Variants in NRXN3 observed in about 807,000 individuals in gnomAD.
NRXN3 encodes the protein neurexin 3, also known as neurexin III.
A neutral mutation model predicts 137.6 loss-of-function variants in NRXN3; 32 were observed. The observed-to-expected ratio is 0.23, with a 90% CI of 0.18 to 0.31. The LOEUF is 0.31. NRXN3 is among the 10% of genes least tolerant of loss of function. The probability of loss-of-function intolerance (pLI) is 1.00; values close to 1 mark genes in which losing one functional copy is unlikely to be tolerated. For missense variants in NRXN3, 1,574 were observed against 2,062.5 expected, an observed-to-expected ratio of 0.76 and a Z score of 4.59; for synonymous variants, 798 against 784.5, an observed-to-expected ratio of 1.02 and a Z score of -0.29.
chr14:79,624,812 TG>T (rs201107257), intron 16 of NRXN3, among the ~76,000 whole-genome samples: 1,769 of 147,070 alleles, frequency 0.012, 15 homozygotes, highest in South Asian at 0.023. Flanking sequence ...TGTTTGTTTT[TG>T]TTTTTTTTTA....
rs35908076 is a variant in NRXN3 at position 78,915,345 on chromosome 14, C to CAAAAAAAA, written c.2276-41877_2276-41870dup. Among the ~76,000 whole-genome samples, 33 of 11,192 alleles carry CAAAAAAAA rather than the reference C, an allele frequency of 2.9e-3. 2 individuals are homozygous for CAAAAAAAA. Among genetic ancestry groups the CAAAAAAAA allele is most frequent in the African/African-American group, 8.1e-3 (29 of 3,574 alleles). 7.3% of individuals were successfully genotyped at this position (11,192 alleles called of 152,430 possible). A position where few individuals can be genotyped will look rare whatever the true frequency, so the allele number is the denominator to read the frequency against. On this transcript the variant is annotated intron_variant, in intron 10 of 20. Coordinates refer to ENST00000335750, the MANE Select transcript of NRXN3 (RefSeq NM_001330195.2). ...CCCAAACATCTTTCTACGTGTGAAG[C>CAAAAAAAA]AAAAAAAAAAAAAAAAAAAAAAAAA...
At chr14:79,603,116 C>A (rs183955435) in intron 16 of NRXN3, among the ~76,000 whole-genome samples, 2 of 152,334 alleles carry the variant, frequency 1.3e-5, no homozygotes, top group East Asian at 3.9e-4. Flanking sequence ...AACTTCTGAA[C>A]TGTTACTCTT....
At chr14:79,792,521 GACT>G (rs1321860906) in intron 19 of NRXN3, among the ~76,000 whole-genome samples, 3 of 152,012 alleles carry the variant, frequency 2.0e-5, no homozygotes, top group Admixed American at 6.6e-5. Flanking sequence ...CTCCCTAGAA[GACT>G]ACAAGAAAAA....
chr14:78,715,233 G>T, intron 8 of NRXN3, 94 bp downstream of exon 8: 1 of 1,452,064 alleles, frequency 6.9e-7, no homozygotes, highest in Non-Finnish European at 9.2e-7. Context: ...GCACCTACCT[G>T]CACTTTCTTT....
intron 15 of NRXN3, among the ~76,000 whole-genome samples, chr14:79,389,010 G>C (rs1463377960): frequency 1.3e-5 from 2 of 152,162 alleles, no homozygotes. Context: ...GGCCTCTCCA[G>C]CTATGTGGAA....
At chr14:79,232,611 T>C (rs2072457185) in intron 15 of NRXN3, among the ~76,000 whole-genome samples, 1 of 152,176 alleles carries the variant, frequency 6.6e-6, no homozygotes, top group Non-Finnish European at 1.5e-5. Flanking sequence ...GGCTTTCTAG[T>C]TGGAGAAATT....
In NRXN3 at chr14:78,243,486, T is replaced by G. The variant is rs2067272472; in HGVS notation, c.393T>G (p.Ser131=). The part of the protein sequence containing the change: ...TVLMLDGEGQ[S]GELQPQRPYM... ...TGATGCTTGATGGCGAGGGCCAGTCTGGGGAGCTGCAGCCCCAGCGGCCCT... is the reference window on the plus strand; with the variant it reads ...TGATGCTTGATGGCGAGGGCCAGTCGGGGGAGCTGCAGCCCCAGCGGCCCT... The change falls in exon 2 of 21, where the codon TCT becomes TCG. Residue 131 remains serine (S), a synonymous_variant. Transcript: ENST00000335750. This position sits in a 1 kb window ranked among gnomAD's most constrained non-coding sequence, Gnocchi z 4.2. 1 of 1,589,698 alleles carries G rather than the reference T, an allele frequency of 6.3e-7. No individual in the cohort carries two copies. Among genetic ancestry groups the G allele is most frequent in the Non-Finnish European group, 8.5e-7 (1 of 1,175,664 alleles).
chr14:78,315,790 A>T (rs2078642683), intron 4 of NRXN3, among the ~76,000 whole-genome samples: 1 of 152,152 alleles, frequency 6.6e-6, no homozygotes, highest in African/African-American at 2.4e-5. Context: ...CTAAAAAGGG[A>T]CACTTTTGAT....
chr14:78,717,334 G>A (rs901983317), intron 8 of NRXN3, among the ~76,000 whole-genome samples: 1 of 152,180 alleles, frequency 6.6e-6, no homozygotes, highest in African/African-American at 2.4e-5. Flanking sequence ...TTAAAAGGCA[G>A]CTGATTGGGG....
At chr14:79,565,429 G>A (rs1168008855) in intron 16 of NRXN3, among the ~76,000 whole-genome samples, 1 of 150,972 alleles carries the variant, frequency 6.6e-6, no homozygotes, top group Non-Finnish European at 1.5e-5. Flanking sequence ...GGGTCCCCAA[G>A]AATGAGCTTT....
At chr14:79,178,029 A>G (rs2062525790) in intron 15 of NRXN3, among the ~76,000 whole-genome samples, 2 of 152,230 alleles carry the variant, frequency 1.3e-5, no homozygotes, top group Admixed American at 6.5e-5. Context: ...GGCCAGTAAT[A>G]GAGAAGAGGG....
intron 19 of NRXN3, among the ~76,000 whole-genome samples, chr14:79,755,674 A>T (rs1295486851): frequency 6.6e-6 from 1 of 152,020 alleles, no homozygotes; most frequent in African/African-American, 2.4e-5. Context: ...AGCCACACTT[A>T]GCCAGGATCA....
intron 15 of NRXN3, among the ~76,000 whole-genome samples, chr14:79,390,433 CT>C (rs1036203168): frequency 3.0e-4 from 45 of 151,958 alleles, no homozygotes; most frequent in Admixed American, 1.3e-4. Context: ...CTACCTCTTT[CT>C]GCTGCTACAG....
intron 15 of NRXN3, among the ~76,000 whole-genome samples, chr14:79,121,639 G>A (rs2055458049): frequency 6.6e-6 from 1 of 152,204 alleles, no homozygotes; most frequent in African/African-American, 2.4e-5. Context: ...TATATGCTGT[G>A]TGTGAACTGA....
intron 10 of NRXN3, among the ~76,000 whole-genome samples, chr14:78,951,582 A>AGTT (rs1456091715): frequency 6.6e-6 from 1 of 152,084 alleles, no homozygotes; most frequent in Non-Finnish European, 1.5e-5. Context: ...GATAGGGTTG[A>AGTT]CAGAACTCAA....
intron 4 of NRXN3, among the ~76,000 whole-genome samples, chr14:78,308,876 T>C (rs1369233873): frequency 6.6e-6 from 1 of 152,152 alleles, no homozygotes; most frequent in Non-Finnish European, 1.5e-5. Context: ...TTGTTCCTTG[T>C]TGCTGGTAAG....
chr14:79,689,377 A>T (rs954954331), intron 17 of NRXN3, among the ~76,000 whole-genome samples: 1 of 152,108 alleles, frequency 6.6e-6, no homozygotes, highest in African/African-American at 2.4e-5. Flanking sequence ...ACTCATTCTC[A>T]TGCACATGTT....
At chr14:78,827,937 C>T (rs548884100) in intron 10 of NRXN3, among the ~76,000 whole-genome samples, 1 of 152,322 alleles carries the variant, frequency 6.6e-6, no homozygotes, top group African/African-American at 2.4e-5. Flanking sequence ...TTGCCATTGC[C>T]TTTGAAGGCA....
intron 10 of NRXN3, among the ~76,000 whole-genome samples, chr14:78,843,611 T>C (rs1170335956): frequency 6.6e-6 from 1 of 152,148 alleles, no homozygotes; most frequent in East Asian, 1.9e-4. Context: ...AGTGTCAAAG[T>C]AGATTCAATG....
Sources: gnomAD v4.1 joint callset for allele counts (sites outside exome capture counted in the v4.1 genomes callset) on GRCh38, gnomAD v4.1.1 for gene constraint, Gnocchi (gnomAD v3.1) non-coding constraint, MANE v1.5 for transcripts, NCBI Gene and HGNC (gene_info 2026-07-23, HGNC 2026-07-21) for gene names.